ZNF710: variants seen among roughly 807,000 people sequenced by gnomAD.
ZNF710 encodes zinc finger protein 710.
Under a neutral mutation model 50.6 loss-of-function variants are expected in ZNF710, and 13 were observed. The ratio of observed to expected loss-of-function variants is 0.26; its 90% CI spans 0.17 to 0.41. ZNF710 has a LOEUF of 0.41. Ranked by LOEUF, ZNF710 falls within the 10% of genes least tolerant of loss-of-function variation. The pLI, the probability that ZNF710 is intolerant of heterozygous loss-of-function variation, is 1.00. For synonymous variants in ZNF710, 383 were observed against 397.0 expected, an observed-to-expected ratio of 0.96 and a Z score of 0.42; for missense variants, 721 against 936.6, an observed-to-expected ratio of 0.77 and a Z score of 3.01.
In ZNF710 at chr15:90,067,686, C is replaced by T. The variant is rs536629236; in HGVS notation, c.549C>T (p.Asn183=). The stretch of plus-strand genomic sequence containing the variant: ...CCCGAACCCCGAGGCCGGAGCTGAA[C>T]GTGGCCCCATATGACCCTCACTTCC... ...HLPRTPRPEL[N]VAPYDPHFPA... Residue 183 remains asparagine (N), a synonymous_variant, in exon 2 of 5, where the codon AAC becomes AAT. Transcript: ENST00000268154. The surrounding 1 kb of genome is among the most constrained non-coding windows in gnomAD (Gnocchi z 8.1). 2.2e-5 allele frequency: 36 copies of T among 1,612,504 alleles called. No individual in the cohort carries two copies. In the East Asian group the frequency reaches 2.5e-4, roughly 11 times the overall value.
chr15:90,051,354 C>T (rs1308920028), intron 1 of ZNF710, among the ~76,000 whole-genome samples: 2 of 151,204 alleles, frequency 1.3e-5, no homozygotes, highest in Non-Finnish European at 2.9e-5. Flanking sequence ...CACAGGCAGA[C>T]TAGGCGCAGT....
chr15:90,074,802 A>T (rs1900536281), intron 4 of ZNF710: 3 of 329,220 alleles, frequency 9.1e-6, no homozygotes. Context: ...GTGAGGTCCC[A>T]ACTCCAAGTA....
At chr15:90,014,211 C>T (rs561555918) in intron 1 of ZNF710, among the ~76,000 whole-genome samples, 3 of 152,212 alleles carry the variant, frequency 2.0e-5, no homozygotes, top group Non-Finnish European at 2.9e-5. Flanking sequence ...AAGACACTGA[C>T]ATCCGATGCA....
chr15:90,049,474 T>A (rs1899570896), intron 1 of ZNF710, among the ~76,000 whole-genome samples: 1 of 152,192 alleles, frequency 6.6e-6, no homozygotes, highest in Non-Finnish European at 1.5e-5. Context: ...TCCCCTCTAC[T>A]AAAGTCACTT....
intron 1 of ZNF710, among the ~76,000 whole-genome samples, chr15:90,061,783 G>T (rs901872830): frequency 3.9e-5 from 6 of 152,184 alleles, no homozygotes; most frequent in African/African-American, 1.4e-4. Context: ...CCAGCAGGTA[G>T]GTCAATAGTT....
intron 1 of ZNF710, among the ~76,000 whole-genome samples, chr15:90,038,460 A>C (rs1223666232): frequency 6.6e-6 from 1 of 152,162 alleles, no homozygotes; most frequent in Non-Finnish European, 1.5e-5. Flanking sequence ...CAGACAGCCC[A>C]CCGTTAAGTA....
intron 1 of ZNF710, among the ~76,000 whole-genome samples, chr15:90,065,067 C>A (rs1449333479): frequency 6.6e-6 from 1 of 152,214 alleles, no homozygotes; most frequent in African/African-American, 2.4e-5. Flanking sequence ...ATTCCAGATG[C>A]ACCCTGACCC....
rs150089562 is a variant in ZNF710 at position 90,068,001 on chromosome 15, G to C, written c.864G>C (p.Ala288=). ...TTGACGACTCCTATCTGGTGGAGGC[G>C]GGCGACCGCCAGAAGCGCTGGCAGT... The part of the protein sequence containing the change: ...VQIDDSYLVE[A]GDRQKRWQCR... The change falls in exon 2 of 5, where the codon GCG becomes GCC. Residue 288 remains alanine (A), a synonymous_variant. Coordinates refer to ENST00000268154, the MANE Select transcript of ZNF710 (RefSeq NM_198526.4). This position sits in a 1 kb window ranked among gnomAD's most constrained non-coding sequence, Gnocchi z 5.0. 2 of 1,614,018 alleles carry C rather than the reference G, an allele frequency of 1.2e-6. No individual in the cohort carries two copies. The highest frequency in any genetic ancestry group is 1.7e-5 in the Admixed American group (1 of 60,018).
intron 4 of ZNF710, chr15:90,075,803 T>C (rs770986092): frequency 1.3e-5 from 2 of 152,318 alleles, no homozygotes; most frequent in African/African-American, 4.8e-5. Context: ...CGTCGGCTGC[T>C]CTTGGTAGCT....
chr15:90,029,557 A>G (rs1235835254), intron 1 of ZNF710, among the ~76,000 whole-genome samples: 1 of 152,186 alleles, frequency 6.6e-6, no homozygotes, highest in African/African-American at 2.4e-5. Context: ...GCTTGCGGCC[A>G]GGAGATTGAG....
intron 4 of ZNF710, 117 bp from the exon 5 acceptor site, chr15:90,079,543 C>T: frequency 1.5e-6 from 2 of 1,310,474 alleles, no homozygotes. Flanking sequence ...AGCTGAGACT[C>T]CTGGAGGCCG....
intron 1 of ZNF710, among the ~76,000 whole-genome samples, chr15:90,019,668 G>A (rs1054598119): frequency 2.6e-5 from 4 of 152,206 alleles, no homozygotes; most frequent in Non-Finnish European, 4.4e-5. Flanking sequence ...TCCGGGCACA[G>A]CTGACCTAGG....
intron 1 of ZNF710, among the ~76,000 whole-genome samples, chr15:90,056,952 GGGCACCATCCAGA>G (rs1257115168): frequency 6.6e-6 from 1 of 152,080 alleles, no homozygotes; most frequent in Non-Finnish European, 1.5e-5. Context: ...GGCAGGGGCT[GGGCACCATCCAGA>G]ATCCCGGTGC....
intron 1 of ZNF710, among the ~76,000 whole-genome samples, chr15:90,038,740 T>TGTGA (rs150950322): frequency 0.012 from 1,765 of 148,620 alleles, 37 homozygotes; most frequent in African/African-American, 0.043. Context: ...TGTGTGTGTG[T>TGTGA]GAGACATTGG....
intron 1 of ZNF710, among the ~76,000 whole-genome samples, chr15:90,021,647 T>A (rs551654262): frequency 3.7e-4 from 57 of 152,274 alleles, no homozygotes; most frequent in Non-Finnish European, 5.9e-4. Context: ...CTCTCCCCAG[T>A]GAGCCCCCAG....
At position 90,081,074 on chromosome 15, in the gene ZNF710, G is replaced by A. The variant is rs1360869526; in HGVS notation, c.*1245G>A. ...CGCTGGCAGCAGCCTCAGCAGGCTG[G>A]GGTGGGAGGCAGGAGAAGGCAGAGC... On this transcript the variant is annotated 3_prime_UTR_variant, in exon 5 of 5. Coordinates refer to ENST00000268154, the MANE Select transcript of ZNF710 (RefSeq NM_198526.4). 1 of 152,272 alleles carries A rather than the reference G, an allele frequency of 6.6e-6. No homozygotes were observed. The highest frequency in any genetic ancestry group is 2.4e-5 in the African/African-American group (1 of 41,458). 9.4% of individuals were successfully genotyped at this position (152,272 alleles called of 1,614,324 possible).
chr15:90,021,681 G>GA (rs896396681), intron 1 of ZNF710, among the ~76,000 whole-genome samples: 4 of 152,114 alleles, frequency 2.6e-5, no homozygotes, highest in Non-Finnish European at 5.9e-5. Context: ...CTAGATATTG[G>GA]ATATAGACAC....
At chr15:90,001,991 G>C (rs1416525452) in intron 1 of ZNF710, among the ~76,000 whole-genome samples, 1 of 148,964 alleles carries the variant, frequency 6.7e-6, no homozygotes, top group Non-Finnish European at 1.5e-5. Context: ...GAGAGAGAGA[G>C]AGAGAGGCAA....
Position 90,079,922 on chromosome 15 carries a change from A to G in ZNF710, c.*93A>G. ...GCTGCACCTCCTGCAGCCGAGAAACAAGCTACTGCCCCACTGTTCTGAGCC... is the reference window on the plus strand; with the variant it reads ...GCTGCACCTCCTGCAGCCGAGAAACGAGCTACTGCCCCACTGTTCTGAGCC... On this transcript the variant is annotated 3_prime_UTR_variant, in exon 5 of 5. Transcript: ENST00000268154. The G allele has an allele frequency of 8.1e-7, 1 of 1,242,210 alleles. No homozygotes were observed. Among genetic ancestry groups the G allele is most frequent in the Non-Finnish European group, 1.1e-6 (1 of 922,434 alleles). 76.9% of individuals were successfully genotyped at this position (1,242,210 alleles called of 1,614,324 possible). A position where few individuals can be genotyped will look rare whatever the true frequency, so the allele number is the denominator to read the frequency against.
Sources: gnomAD v4.1 joint callset for allele counts (sites outside exome capture counted in the v4.1 genomes callset) on GRCh38, gnomAD v4.1.1 for gene constraint, Gnocchi (gnomAD v3.1) non-coding constraint, MANE v1.5 for transcripts, NCBI Gene and HGNC (gene_info 2026-07-23, HGNC 2026-07-21) for gene names.